The following NCKAP5 variants were observed in gnomAD, a reference collection of about 807,000 sequenced individuals.
NCKAP5 encodes the protein NCK associated protein 5, also known as nck-associated protein 5.
Under a neutral mutation model 167.0 loss-of-function variants are expected in NCKAP5, and 92 were observed. The observed-to-expected ratio is 0.55, with a 90% confidence interval of 0.47 to 0.66. NCKAP5 has a LOEUF of 0.66. NCKAP5 is among the 30% of genes least tolerant of loss of function. The probability of loss-of-function intolerance (pLI) is 0.00; values close to 1 mark genes in which losing one functional copy is unlikely to be tolerated. For synonymous variants in NCKAP5, 891 were observed against 877.4 expected (o/e 1.02, Z -0.27); for missense variants, 2,378 against 2,315.0 (o/e 1.03, Z -0.56).
At chr2:132,863,917 C>G (rs942474175) in intron 10 of NCKAP5, among the ~76,000 whole-genome samples, 2 of 152,182 alleles carry the variant, frequency 1.3e-5, no homozygotes, top group Non-Finnish European at 2.9e-5. Flanking sequence ...GTTTTGCTAA[C>G]CACTATTGTA....
intron 3 of NCKAP5, among the ~76,000 whole-genome samples, chr2:133,464,987 G>T (rs1408989970): frequency 6.6e-6 from 1 of 151,430 alleles, no homozygotes; most frequent in African/African-American, 2.4e-5. Context: ...ACACAGAATA[G>T]TATCTGGCAC....
intron 3 of NCKAP5, among the ~76,000 whole-genome samples, chr2:133,465,214 T>A (rs1692484502): frequency 7.2e-6 from 1 of 139,360 alleles, no homozygotes; most frequent in African/African-American, 2.7e-5. Context: ...TGTGTCCATG[T>A]GATCTCATTG....
chr2:132,683,295 C>T (rs1014374747), intron 19 of NCKAP5, among the ~76,000 whole-genome samples: 2 of 152,108 alleles, frequency 1.3e-5, no homozygotes, highest in Non-Finnish European at 2.9e-5. Context: ...TCTCATTAGC[C>T]CAAATGGATG....
chr2:133,625,766 G>A, the NCKAP5 span, among the ~76,000 whole-genome samples: 6 of 151,690 alleles, frequency 4.0e-5, no homozygotes, highest in African/African-American at 1.5e-4. Context: ...AGCTACTCCG[G>A]AGGCTGAGGC....
chr2:132,889,252 A>T (rs556440515), intron 8 of NCKAP5, among the ~76,000 whole-genome samples: 1 of 152,250 alleles, frequency 6.6e-6, no homozygotes, highest in East Asian at 1.9e-4. Flanking sequence ...CAAATTTCTG[A>T]CCCATAAAAT....
At chr2:133,453,513 C>T (rs1030536736) in intron 3 of NCKAP5, among the ~76,000 whole-genome samples, 2 of 152,038 alleles carry the variant, frequency 1.3e-5, no homozygotes, top group African/African-American at 4.8e-5. Flanking sequence ...ATGTTCACTG[C>T]ATTTCTATTT....
intron 8 of NCKAP5, among the ~76,000 whole-genome samples, chr2:132,949,664 G>A (rs2076124700): frequency 6.6e-6 from 1 of 152,088 alleles, no homozygotes; most frequent in Non-Finnish European, 1.5e-5. Flanking sequence ...CTAAGCTACT[G>A]GCTTTGCCAT....
intron 5 of NCKAP5, among the ~76,000 whole-genome samples, chr2:133,207,667 A>C (rs557807706): frequency 1.9e-4 from 27 of 142,258 alleles, no homozygotes; most frequent in African/African-American, 8.4e-4. Context: ...GACAACAACA[A>C]CAACAACAAA....
At chr2:133,415,696 A>G (rs1689068843) in intron 3 of NCKAP5, among the ~76,000 whole-genome samples, 1 of 152,250 alleles carries the variant, frequency 6.6e-6, no homozygotes. Context: ...AATCCCCAAC[A>G]TAGAGCTTGA....
chr2:132,742,591 T>C (rs2105597489), intron 16 of NCKAP5, among the ~76,000 whole-genome samples: 1 of 152,078 alleles, frequency 6.6e-6, no homozygotes, highest in Non-Finnish European at 1.5e-5. Context: ...TAATTACAGA[T>C]ATTTAATCAA....
intron 3 of NCKAP5, among the ~76,000 whole-genome samples, chr2:133,336,443 G>A (rs998425628): frequency 1.3e-5 from 2 of 152,008 alleles, no homozygotes; most frequent in Non-Finnish European, 2.9e-5. Context: ...CACAAGGCTC[G>A]AGCTTCATGA....
intron 6 of NCKAP5, among the ~76,000 whole-genome samples, chr2:133,025,026 T>A (rs2078648638): frequency 6.6e-6 from 1 of 152,230 alleles, no homozygotes; most frequent in Non-Finnish European, 1.5e-5. Context: ...TGCTTTTAGG[T>A]GTTTTGAAAA....
At chr2:132,818,200 G>A (rs943794276) in intron 11 of NCKAP5, among the ~76,000 whole-genome samples, 127 of 152,274 alleles carry the variant, frequency 8.3e-4, no homozygotes, top group African/African-American at 2.9e-3. Context: ...CACCTGCCTC[G>A]GCAGAGTGGA....
At chr2:133,543,219 T>C (rs1403222505) in intron 2 of NCKAP5, among the ~76,000 whole-genome samples, 1 of 152,122 alleles carries the variant, frequency 6.6e-6, no homozygotes, top group Non-Finnish European at 1.5e-5. Context: ...CCTCTCTCTC[T>C]TGTTCACTCT....
At chr2:133,448,851 G>A (rs1237531663) in intron 3 of NCKAP5, among the ~76,000 whole-genome samples, 2 of 152,044 alleles carry the variant, frequency 1.3e-5, no homozygotes, top group African/African-American at 4.8e-5. Flanking sequence ...TGTTGCCCAG[G>A]CTGGTCTCAA....
chr2:133,374,427 T>C (rs922193860), intron 3 of NCKAP5, among the ~76,000 whole-genome samples: 8 of 152,226 alleles, frequency 5.3e-5, no homozygotes, highest in African/African-American at 1.9e-4. Flanking sequence ...ATTATACATT[T>C]GTCCAACTCA....
the NCKAP5 span, among the ~76,000 whole-genome samples, chr2:133,586,195 C>T: frequency 6.6e-6 from 1 of 152,080 alleles, no homozygotes; most frequent in Non-Finnish European, 1.5e-5. Flanking sequence ...TATTAATGAC[C>T]AACTGAAGCC....
At chr2:132,705,875 G>C (rs543866882) in intron 19 of NCKAP5, among the ~76,000 whole-genome samples, 2 of 152,240 alleles carry the variant, frequency 1.3e-5, no homozygotes, top group East Asian at 3.9e-4. Context: ...TGGCAGAATT[G>C]GGATTAGAAT....
chr2:133,409,362 C>A (rs925022174), intron 3 of NCKAP5, among the ~76,000 whole-genome samples: 1 of 152,192 alleles, frequency 6.6e-6, no homozygotes, highest in African/African-American at 2.4e-5. Context: ...CGCTAAACAT[C>A]TCAGAGGCAG....
Sources: allele counts gnomAD v4.1 joint callset (sites outside exome capture counted in the v4.1 genomes callset), GRCh38; gene constraint gnomAD v4.1.1; transcripts MANE v1.5; gene names NCBI Gene and HGNC (gene_info 2026-07-23, HGNC 2026-07-21).